The following PLPP1 variants were observed in gnomAD, a reference collection of about 807,000 sequenced individuals.
PLPP1 encodes the protein lipid phosphate phosphohydrolase 1a.
In PLPP1, 24 loss-of-function variants were observed where a neutral mutation model predicts 31.2. The ratio of observed to expected loss-of-function variants is 0.77; its 90% confidence interval spans 0.56 to 1.08. The LOEUF (loss-of-function observed/expected upper bound fraction) is 1.08. Among genes scored for constraint, PLPP1 ranks in the 50% least tolerant of loss-of-function variants. The probability of loss-of-function intolerance (pLI) is 0.00; values close to 1 mark genes in which losing one functional copy is unlikely to be tolerated. For missense variants in PLPP1, 319 were observed against 342.7 expected, an observed-to-expected ratio of 0.93 and a Z score of 0.55; for synonymous variants, 146 against 126.3, an observed-to-expected ratio of 1.16 and a Z score of -1.05.
chr5:55,506,938 C>T (rs1753292612), intron 1 of PLPP1, among the ~76,000 whole-genome samples: 1 of 151,978 alleles, frequency 6.6e-6, no homozygotes, highest in South Asian at 2.1e-4. Context: ...TCTCTGTGTC[C>T]AATTCAGTTT....
chr5:55,509,678 C>G (rs1753362617), intron 1 of PLPP1, among the ~76,000 whole-genome samples: 1 of 152,138 alleles, frequency 6.6e-6, no homozygotes, highest in Non-Finnish European at 1.5e-5. Flanking sequence ...ATTTAATGAG[C>G]TTTTAAAAAA....
At chr5:55,522,689 T>C (rs1260968897) in intron 1 of PLPP1, among the ~76,000 whole-genome samples, 1 of 140,754 alleles carries the variant, frequency 7.1e-6, no homozygotes, top group Non-Finnish European at 1.5e-5. Context: ...TCTAAAATAA[T>C]CATTTTGTTT....
At chr5:55,493,124 GCAACA>G (rs1752931003) in intron 1 of PLPP1, among the ~76,000 whole-genome samples, 2 of 152,220 alleles carry the variant, frequency 1.3e-5, no homozygotes, top group South Asian at 4.1e-4. Context: ...ACTAGCCTGG[GCAACA>G]TATTGAGACC....
At chr5:55,430,775 A>G (rs1751330036) in intron 4 of PLPP1, among the ~76,000 whole-genome samples, 1 of 152,208 alleles carries the variant, frequency 6.6e-6, no homozygotes. Context: ...AGAATTCAAA[A>G]TAATGATTCA....
chr5:55,424,925 A>G lies in PLPP1; in HGVS notation c.*281T>C. On this transcript the variant is annotated 3_prime_UTR_variant, in exon 6 of 6. Transcript: ENST00000307259. ...ATCATTCATAGAAAGCATATTACAT[A>G]CATGTTTATACATAAGCATTACATT... The G allele has an allele frequency of 3.2e-6, 2 of 632,826 alleles. No individual in the cohort carries two copies. Among genetic ancestry groups the G allele is most frequent in the South Asian group, 4.4e-5 (2 of 45,884 alleles). The allele number at this position is 632,826 out of a possible 1,614,324, so 39.2% of individuals were successfully genotyped here. A position where few individuals can be genotyped will look rare whatever the true frequency, so the allele number is the denominator to read the frequency against.
At chr5:55,429,818 T>G (rs1189603764) in intron 4 of PLPP1, among the ~76,000 whole-genome samples, 2 of 152,042 alleles carry the variant, frequency 1.3e-5, no homozygotes, top group African/African-American at 2.4e-5. Flanking sequence ...TCAAGCCTGA[T>G]TACAGGCTAC....
At chr5:55,442,193 TACTTG>T in intron 3 of PLPP1, among the ~76,000 whole-genome samples, 1 of 152,344 alleles carries the variant, frequency 6.6e-6, no homozygotes, top group Admixed American at 6.5e-5. Context: ...AGAAGAATGA[TACTTG>T]ACAAGTCATA....
At chr5:55,521,822 C>G (rs1231745250) in intron 1 of PLPP1, among the ~76,000 whole-genome samples, 2 of 152,108 alleles carry the variant, frequency 1.3e-5, no homozygotes, top group South Asian at 2.1e-4. Context: ...TACTATGTAC[C>G]TCAGAGTTTT....
rs968762209 is a variant in PLPP1, at chr5:55,481,565, G to A, written c.59-6115C>T. ...GCAGGTGCCTTGGGATTTACTGTGAGATCAAGTACTACCTCAATAGTTTGG... is the reference window on the plus strand; with the variant it reads ...GCAGGTGCCTTGGGATTTACTGTGAAATCAAGTACTACCTCAATAGTTTGG... On this transcript the variant is annotated intron_variant, in intron 1 of 5. Coordinates refer to ENST00000307259, the MANE Select transcript of PLPP1 (RefSeq NM_003711.4). Among the ~76,000 whole-genome samples the A allele has an allele frequency of 2.0e-5, 3 of 152,102 alleles. No individual in the cohort carries two copies. The South Asian group carries it at 6.2e-4, about 32-fold the overall frequency.
chr5:55,440,595 CTG>C (rs1227392350), intron 4 of PLPP1, among the ~76,000 whole-genome samples: 2 of 151,818 alleles, frequency 1.3e-5, no homozygotes, highest in South Asian at 2.1e-4. Flanking sequence ...GAATCATACT[CTG>C]TGCTTCTTCA....
intron 1 of PLPP1, among the ~76,000 whole-genome samples, chr5:55,529,393 A>G (rs1326590460): frequency 6.6e-6 from 1 of 152,106 alleles, no homozygotes; most frequent in African/African-American, 2.4e-5. Flanking sequence ...TAAGAGTTTC[A>G]ACTTAGTTAA....
At chr5:55,471,407 G>C (rs890023994) in intron 2 of PLPP1, among the ~76,000 whole-genome samples, 1 of 152,018 alleles carries the variant, frequency 6.6e-6, no homozygotes, top group African/African-American at 2.4e-5. Context: ...TCACCGTCTT[G>C]ACCAGGGTGG....
intron 1 of PLPP1, among the ~76,000 whole-genome samples, chr5:55,476,055 T>C (rs1361745364): frequency 6.6e-6 from 1 of 151,032 alleles, no homozygotes; most frequent in Non-Finnish European, 1.5e-5. Flanking sequence ...CATAGCTAAG[T>C]GCAGCCTTGA....
At chr5:55,481,690 C>T (rs372259703) in intron 1 of PLPP1, among the ~76,000 whole-genome samples, 8 of 152,196 alleles carry the variant, frequency 5.3e-5, no homozygotes, top group African/African-American at 1.9e-4. Flanking sequence ...TCTCTTAATG[C>T]CTGAACAAGT....
intron 1 of PLPP1, among the ~76,000 whole-genome samples, chr5:55,503,792 A>AAGGGGAGGAAGGGGAGGAAGGGG (rs1187955678): frequency 1.3e-4 from 15 of 116,014 alleles, no homozygotes; most frequent in African/African-American, 4.3e-4. Flanking sequence ...GAAGGAGAGG[A>AAGGGGAGGAAGGGGAGGAAGGGG]AGGGGAGGAA....
In PLPP1 at chr5:55,491,079, T is replaced by A. The variant is rs140514019; in HGVS notation, c.59-15629A>T. 428 of 1,613,986 alleles carry A rather than the reference T, an allele frequency of 2.7e-4. No homozygotes were observed. The highest frequency in any genetic ancestry group is 3.5e-4 in the Non-Finnish European group (414 of 1,179,950). On this transcript the variant is annotated intron_variant, in intron 1 of 5. Coordinates refer to ENST00000307259, the MANE Select transcript of PLPP1 (RefSeq NM_003711.4). ...AAAAAGCCTCTCTGAAATGGATATATTTGGCCCAATTTTAGAACAGCCATA... is the reference window on the plus strand; with the variant it reads ...AAAAAGCCTCTCTGAAATGGATATAATTGGCCCAATTTTAGAACAGCCATA...
chr5:55,463,432 C>T (rs147331821), intron 3 of PLPP1, among the ~76,000 whole-genome samples: 1,715 of 152,096 alleles, frequency 0.011, 16 homozygotes, highest in Non-Finnish European at 0.017. Context: ...GAGGCTGAGG[C>T]GAGTAGATCA....
At chr5:55,465,632 A>G (rs1039341446) in intron 3 of PLPP1, among the ~76,000 whole-genome samples, 1 of 152,172 alleles carries the variant, frequency 6.6e-6, no homozygotes, top group Non-Finnish European at 1.5e-5. Flanking sequence ...CCTGGGCCAC[A>G]TGTGGGCCAC....
chr5:55,526,546 CTG>C (rs1417616691), intron 1 of PLPP1, among the ~76,000 whole-genome samples: 2 of 152,056 alleles, frequency 1.3e-5, no homozygotes, highest in South Asian at 2.1e-4. Flanking sequence ...TTCCCTCTCT[CTG>C]TGACTAGAAT....
Sources: gnomAD v4.1 joint callset for allele counts (sites outside exome capture counted in the v4.1 genomes callset) on GRCh38, gnomAD v4.1.1 for gene constraint, MANE v1.5 for transcripts, NCBI Gene and HGNC (gene_info 2026-07-23, HGNC 2026-07-21) for gene names.